PCSK5: variants seen among roughly 807,000 people sequenced by gnomAD.
The protein encoded by PCSK5 is proprotein convertase subtilisin/kexin type 5.
A neutral mutation model predicts 233.2 loss-of-function variants in PCSK5; 129 were observed. The observed-to-expected ratio is 0.55, with a 90% CI of 0.48 to 0.64. The LOEUF (loss-of-function observed/expected upper bound fraction) is 0.64. Among genes scored for constraint, PCSK5 ranks in the 30% least tolerant of loss-of-function variants. PCSK5 has a pLI of 0.00. For synonymous variants in PCSK5, 825 were observed against 879.2 expected, an observed-to-expected ratio of 0.94 and a Z score of 1.09; for missense variants, 2,076 against 2,430.1, an observed-to-expected ratio of 0.85 and a Z score of 3.06.
intron 29 of PCSK5, 136 bp from the exon 30 acceptor site, chr9:76,310,520 T>A (rs1828834398): frequency 1.6e-5 from 8 of 507,718 alleles, no homozygotes; most frequent in Non-Finnish European, 2.0e-5. Flanking sequence ...GGACTTAGCA[T>A]CACTAGCAAA....
At chr9:76,163,448 T>C (rs565395910) in intron 12 of PCSK5, among the ~76,000 whole-genome samples, 9 of 152,240 alleles carry the variant, frequency 5.9e-5, no homozygotes, top group Non-Finnish European at 1.0e-4. Flanking sequence ...GCTTGAGCTC[T>C]GTGCCCCATT....
At chr9:75,928,927 ATATTTATT>A (rs71499119) in intron 1 of PCSK5, among the ~76,000 whole-genome samples, 4 of 149,712 alleles carry the variant, frequency 2.7e-5, no homozygotes, top group South Asian at 2.1e-4. Context: ...AAGGATTCTG[ATATTTATT>A]TATTTATTTA....
intron 24 of PCSK5, among the ~76,000 whole-genome samples, chr9:76,247,651 A>C (rs1180305788): frequency 6.6e-6 from 1 of 152,216 alleles, no homozygotes; most frequent in African/African-American, 2.4e-5. Context: ...GTGAGATAAA[A>C]TGTATGAGTG....
intron 5 of PCSK5, among the ~76,000 whole-genome samples, chr9:76,028,266 C>A (rs774945942): frequency 6.6e-6 from 1 of 152,184 alleles, no homozygotes; most frequent in Non-Finnish European, 1.5e-5. Flanking sequence ...GTGGGTTCAC[C>A]TTGCCTGCTG....
At chr9:76,172,886 G>T (rs1250836057) in intron 13 of PCSK5, among the ~76,000 whole-genome samples, 1 of 152,132 alleles carries the variant, frequency 6.6e-6, no homozygotes, top group South Asian at 2.1e-4. Flanking sequence ...CTGGCAGAGG[G>T]CAAACCATAC....
chr9:75,890,608 G>C (rs1177675544), upstream of PCSK5: 1 of 152,856 alleles, frequency 6.5e-6, no homozygotes, highest in East Asian at 1.9e-4. Context: ...AGGGCGATGT[G>C]GGAAAGGAGG....
intron 5 of PCSK5, among the ~76,000 whole-genome samples, chr9:76,062,816 T>C (rs1165803757): frequency 6.6e-6 from 1 of 152,224 alleles, no homozygotes; most frequent in Admixed American, 6.5e-5. Context: ...CCAAATCTTC[T>C]CTTCTAGCTA....
chr9:76,358,181 C>A (rs1830349828), intron 37 of PCSK5, among the ~76,000 whole-genome samples: 1 of 152,006 alleles, frequency 6.6e-6, no homozygotes, highest in South Asian at 2.1e-4. Context: ...GGTACATACT[C>A]CAATTTTATA....
At chr9:76,259,456 TAC>T (rs10592376) in intron 24 of PCSK5, among the ~76,000 whole-genome samples, 3,702 of 148,658 alleles carry the variant, frequency 0.025, 71 homozygotes, top group East Asian at 0.05. Flanking sequence ...CTGTCTACAC[TAC>T]ACACACACAC....
intron 24 of PCSK5, among the ~76,000 whole-genome samples, chr9:76,281,429 C>T (rs779378650): frequency 4.4e-4 from 67 of 152,250 alleles, no homozygotes; most frequent in South Asian, 8.3e-4. Flanking sequence ...GAAACAAGGC[C>T]GGGTTCAGCA....
At chr9:75,925,931 A>G (rs1823465625) in intron 1 of PCSK5, among the ~76,000 whole-genome samples, 1 of 152,224 alleles carries the variant, frequency 6.6e-6, no homozygotes, top group South Asian at 2.1e-4. Flanking sequence ...TTCTGTCTAA[A>G]TCAGAAATGA....
intron 6 of PCSK5, among the ~76,000 whole-genome samples, chr9:76,068,893 A>G (rs965965904): frequency 6.6e-6 from 1 of 152,148 alleles, no homozygotes; most frequent in African/African-American, 2.4e-5. Flanking sequence ...CCAATGCATT[A>G]TTTGTTTTCA....
At chr9:76,120,807 C>G (rs1832602223) in intron 9 of PCSK5, among the ~76,000 whole-genome samples, 1 of 151,874 alleles carries the variant, frequency 6.6e-6, no homozygotes, top group Non-Finnish European at 1.5e-5. Flanking sequence ...ATTTTGGAGT[C>G]AAGCTAACTT....
intron 5 of PCSK5, among the ~76,000 whole-genome samples, chr9:76,046,659 C>G (rs977153682): frequency 2.1e-5 from 3 of 140,136 alleles, no homozygotes; most frequent in East Asian, 2.1e-4. Context: ...CTCCTGGGTT[C>G]ACGGCATTCT....
At chr9:76,040,039 A>G (rs1164184661) in intron 5 of PCSK5, among the ~76,000 whole-genome samples, 1 of 152,210 alleles carries the variant, frequency 6.6e-6, no homozygotes, top group African/African-American at 2.4e-5. Context: ...GTACTTTTAC[A>G]TTTATGCCCA....
At chr9:76,263,428 C>G (rs1024194273) in intron 24 of PCSK5, among the ~76,000 whole-genome samples, 2 of 152,122 alleles carry the variant, frequency 1.3e-5, no homozygotes, top group African/African-American at 4.8e-5. Flanking sequence ...CACATATACA[C>G]CACGGAATAC....
chr9:76,209,273 T>G (rs1350678243), intron 20 of PCSK5, among the ~76,000 whole-genome samples: 1 of 152,224 alleles, frequency 6.6e-6, no homozygotes, highest in African/African-American at 2.4e-5. Context: ...CTGGATCCCA[T>G]TACATTCTAC....
chr9:76,264,388 A>G (rs1187113934), intron 24 of PCSK5, among the ~76,000 whole-genome samples: 1 of 152,182 alleles, frequency 6.6e-6, no homozygotes, highest in East Asian at 1.9e-4. Flanking sequence ...CATTCTGGAT[A>G]TGGGTCTTGG....
chr9:75,949,778 C>G (rs1020505299), intron 2 of PCSK5, among the ~76,000 whole-genome samples: 1 of 152,140 alleles, frequency 6.6e-6, no homozygotes, highest in Non-Finnish European at 1.5e-5. Context: ...CCCACCTCAG[C>G]CTCCCAAAAT....
Sources: gnomAD v4.1 joint callset for allele counts (sites outside exome capture counted in the v4.1 genomes callset) on GRCh38, gnomAD v4.1.1 for gene constraint, MANE v1.5 for transcripts, NCBI Gene and HGNC (gene_info 2026-07-23, HGNC 2026-07-21) for gene names.